The following RALYL variants were observed in gnomAD, a reference collection of about 807,000 sequenced individuals.
RALYL encodes RALY RNA binding protein like.
Under a neutral mutation model 35.1 loss-of-function variants are expected in RALYL, and 29 were observed. That is an observed-to-expected ratio of 0.83 (90% CI 0.61 to 1.13). The LOEUF (loss-of-function observed/expected upper bound fraction) is 1.13, where lower values mean the gene tolerates loss of function less well. Among genes scored for constraint, RALYL ranks in the 50% most tolerant of loss-of-function variants. RALYL has a pLI of 0.00. For missense variants in RALYL, 359 were observed against 360.4 expected, an observed-to-expected ratio of 1.00 and a Z score of 0.03; for synonymous variants, 120 against 127.6, an observed-to-expected ratio of 0.94 and a Z score of 0.40.
intron 1 of RALYL, among the ~76,000 whole-genome samples, chr8:84,312,235 T>C (rs1399854701): frequency 6.6e-6 from 1 of 152,152 alleles, no homozygotes; most frequent in African/African-American, 2.4e-5. Flanking sequence ...CATAATCCAG[T>C]CACCTCCCAC....
At chr8:84,815,384 C>T (rs1181952720) in intron 4 of RALYL, among the ~76,000 whole-genome samples, 1 of 147,078 alleles carries the variant, frequency 6.8e-6, no homozygotes, top group Non-Finnish European at 1.5e-5. Context: ...CTATTTTAAA[C>T]TATTATAAGT....
chr8:84,216,331 T>G (rs1035553863), intron 1 of RALYL, among the ~76,000 whole-genome samples: 4 of 152,074 alleles, frequency 2.6e-5, no homozygotes, highest in African/African-American at 9.7e-5. Flanking sequence ...CATGAAGAAA[T>G]ATAATATTAT....
intron 1 of RALYL, among the ~76,000 whole-genome samples, chr8:84,453,603 G>A (rs947813156): frequency 1.3e-5 from 2 of 151,756 alleles, no homozygotes; most frequent in Non-Finnish European, 2.9e-5. Context: ...TATATTCAAA[G>A]TGCCAAGGCA....
chr8:84,417,151 G>A (rs1297773681), intron 1 of RALYL, among the ~76,000 whole-genome samples: 3 of 151,872 alleles, frequency 2.0e-5, no homozygotes, highest in South Asian at 2.1e-4. Flanking sequence ...AATTTGAGGG[G>A]GTGCTTTGAG....
At chr8:84,387,159 G>C (rs770801652) in intron 1 of RALYL, among the ~76,000 whole-genome samples, 1 of 151,824 alleles carries the variant, frequency 6.6e-6, no homozygotes, top group African/African-American at 2.4e-5. Context: ...CAGTGCCAGG[G>C]ACATGGTAAT....
chr8:84,343,422 C>T (rs1387850663), intron 1 of RALYL, among the ~76,000 whole-genome samples: 1 of 151,952 alleles, frequency 6.6e-6, no homozygotes, highest in Non-Finnish European at 1.5e-5. Context: ...AGCAAAGAAT[C>T]ATCCAAATAA....
intron 2 of RALYL, among the ~76,000 whole-genome samples, chr8:84,686,302 A>AG (rs1361689013): frequency 2.6e-5 from 4 of 152,204 alleles, no homozygotes; most frequent in Non-Finnish European, 5.9e-5. Context: ...AACCAGGCCA[A>AG]GGAAACAACA....
At chr8:84,736,108 T>A (rs920238170) in intron 2 of RALYL, among the ~76,000 whole-genome samples, 26 of 152,256 alleles carry the variant, frequency 1.7e-4, no homozygotes, top group African/African-American at 6.3e-4. Context: ...TTTAAATTCA[T>A]AACGAACAAA....
At chr8:84,664,262 GA>G (rs200974690) in intron 2 of RALYL, among the ~76,000 whole-genome samples, 9 of 43,060 alleles carry the variant, frequency 2.1e-4, no homozygotes, top group Non-Finnish European at 2.6e-4. Context: ...GATGCCTCTA[GA>G]TTTTTTTTTT....
intron 1 of RALYL, among the ~76,000 whole-genome samples, chr8:84,462,212 T>C (rs1356377079): frequency 1.3e-5 from 2 of 151,710 alleles, no homozygotes; most frequent in Admixed American, 6.6e-5. Flanking sequence ...TGATGTATGT[T>C]CATTGCTTAT....
chr8:84,317,591 C>A (rs1329275908), intron 1 of RALYL, among the ~76,000 whole-genome samples: 5 of 152,190 alleles, frequency 3.3e-5, no homozygotes, highest in Non-Finnish European at 7.3e-5. Context: ...CAATAACCAA[C>A]AGAGGGAATG....
chr8:84,627,950 T>C (rs1302586753), intron 2 of RALYL, among the ~76,000 whole-genome samples: 1 of 152,156 alleles, frequency 6.6e-6, no homozygotes, highest in Non-Finnish European at 1.5e-5. Flanking sequence ...ATTCTCCATT[T>C]GGACCGTTAT....
chr8:84,509,898 C>T (rs2057469074), intron 1 of RALYL, among the ~76,000 whole-genome samples: 2 of 152,122 alleles, frequency 1.3e-5, no homozygotes, highest in Admixed American at 6.6e-5. Flanking sequence ...TTTGCCAATA[C>T]CAGTCTTTAT....
At chr8:84,353,303 G>A (rs190050407) in intron 1 of RALYL, among the ~76,000 whole-genome samples, 5 of 150,162 alleles carry the variant, frequency 3.3e-5, no homozygotes, top group East Asian at 1.9e-4. Flanking sequence ...GTCATTCACT[G>A]TACTGTCTTG....
chr8:84,403,815 G>A (rs1028121396), intron 1 of RALYL, among the ~76,000 whole-genome samples: 2 of 151,962 alleles, frequency 1.3e-5, no homozygotes, highest in Non-Finnish European at 2.9e-5. Context: ...CTATCCATGA[G>A]CATGGAATGT....
chr8:84,507,319 T>C (rs1169926176), intron 1 of RALYL, among the ~76,000 whole-genome samples: 1 of 152,106 alleles, frequency 6.6e-6, no homozygotes, highest in Non-Finnish European at 1.5e-5. Context: ...ATGAACATCA[T>C]TGGTCCATGC....
intron 5 of RALYL, among the ~76,000 whole-genome samples, chr8:84,860,353 C>CATTT (rs1837871661): frequency 6.6e-6 from 1 of 152,162 alleles, no homozygotes; most frequent in African/African-American, 2.4e-5. Flanking sequence ...GCTTGCCTTT[C>CATTT]ATTTCAAGCA....
intron 2 of RALYL, among the ~76,000 whole-genome samples, chr8:84,639,120 A>G (rs1327135422): frequency 1.3e-5 from 2 of 151,138 alleles, no homozygotes; most frequent in Admixed American, 1.3e-4. Context: ...GAACTAGTCC[A>G]TGGTTGGTGG....
intron 2 of RALYL, among the ~76,000 whole-genome samples, chr8:84,570,919 A>T: frequency 6.6e-6 from 1 of 151,780 alleles, no homozygotes; most frequent in East Asian, 1.9e-4. Context: ...CCTTGCATGC[A>T]TGGAATAAAA....
Sources: allele counts gnomAD v4.1 joint callset (sites outside exome capture counted in the v4.1 genomes callset), GRCh38; gene constraint gnomAD v4.1.1; transcripts MANE v1.5; gene names NCBI Gene and HGNC (gene_info 2026-07-23, HGNC 2026-07-21).